Variants in PITPNM3 observed in about 807,000 individuals in gnomAD.
The protein encoded by PITPNM3 is membrane-associated phosphatidylinositol transfer protein 3.
A neutral mutation model predicts 102.0 loss-of-function variants in PITPNM3; 26 were observed. The observed-to-expected ratio is 0.25, with a 90% CI of 0.19 to 0.35. The LOEUF is 0.35. Among genes scored for constraint, PITPNM3 ranks in the 10% least tolerant of loss-of-function variants. The pLI, the probability that PITPNM3 is intolerant of heterozygous loss-of-function variation, is 1.00. For synonymous variants in PITPNM3, 578 were observed against 558.6 expected, an observed-to-expected ratio of 1.03 and a Z score of -0.49; for missense variants, 1,083 against 1,346.1, an observed-to-expected ratio of 0.80 and a Z score of 3.06.
intron 17 of PITPNM3, 40 bp downstream of exon 17, chr17:6,463,692 C>T (rs1403119346): frequency 1.2e-6 from 2 of 1,604,556 alleles, no homozygotes; most frequent in Non-Finnish European, 1.7e-6. Context: ...TGGCTCCTGC[C>T]CCCCAGGGAG....
rs1306075169 is a variant in PITPNM3 at position 6,477,962 on chromosome 17, C to T, written c.900+13G>A. 1.9e-6 allele frequency: 3 copies of T among 1,611,082 alleles called. No individual in the cohort carries two copies. The East Asian group carries it at 6.7e-5, about 36-fold the overall frequency. ...GGGCATACCCCTCCCGCGGTCCTGT[C>T]CCCCGGCTGTACCTGGGTGCTGCTG... On this transcript the variant is annotated intron_variant, in intron 8 of 19. Coordinates refer to ENST00000262483, the MANE Select transcript of PITPNM3 (RefSeq NM_031220.4).
intron 1 of PITPNM3, among the ~76,000 whole-genome samples, chr17:6,540,923 T>A (rs1909699534): frequency 6.6e-6 from 1 of 152,162 alleles, no homozygotes; most frequent in Non-Finnish European, 1.5e-5. Flanking sequence ...CTTCCCAAAG[T>A]GCTGGGATTA....
chr17:6,474,207 G>C (rs572936699), intron 10 of PITPNM3, among the ~76,000 whole-genome samples: 1 of 152,130 alleles, frequency 6.6e-6, no homozygotes, highest in South Asian at 2.1e-4. Context: ...ACTTGACATG[G>C]AGAGTGAAAT....
chr17:6,520,171 C>T lies in PITPNM3; in HGVS notation c.226+5185G>A, dbSNP rs1908427107. Among the ~76,000 whole-genome samples, 2 of 152,102 alleles carry T rather than the reference C, an allele frequency of 1.3e-5. 1 individual carries two copies. Among genetic ancestry groups the T allele is most frequent in the East Asian group, 3.8e-4 (2 of 5,198 alleles). On this transcript the variant is annotated intron_variant, in intron 3 of 19. Coordinates refer to ENST00000262483, the MANE Select transcript of PITPNM3 (RefSeq NM_031220.4). ...AGCAAAACAAGAAAACGTTTTTACC[C>T]GACCATTACATAAAATGTTGAAGTT... is the stretch of plus-strand genomic sequence containing the variant.
intron 4 of PITPNM3, among the ~76,000 whole-genome samples, chr17:6,495,605 C>T (rs951945810): frequency 2.0e-5 from 3 of 152,188 alleles, no homozygotes; most frequent in African/African-American, 7.2e-5. Flanking sequence ...GACCACCAGG[C>T]TGGGTTCTGG....
intron 3 of PITPNM3, among the ~76,000 whole-genome samples, chr17:6,510,689 CAG>C (rs1299956198): frequency 6.6e-6 from 1 of 152,218 alleles, no homozygotes; most frequent in Non-Finnish European, 1.5e-5. Context: ...ACTTTGGGCT[CAG>C]ACAGGGAGGA....
At chr17:6,490,361 T>C (rs372222353) in intron 4 of PITPNM3, among the ~76,000 whole-genome samples, 1 of 152,144 alleles carries the variant, frequency 6.6e-6, no homozygotes, top group Non-Finnish European at 1.5e-5. Context: ...GGGGTTTGCC[T>C]ACATTCCCCG....
chr17:6,507,631 C>T (rs963358003), intron 3 of PITPNM3, among the ~76,000 whole-genome samples: 10 of 151,938 alleles, frequency 6.6e-5, no homozygotes, highest in African/African-American at 1.9e-4. Flanking sequence ...TAACACCATT[C>T]GGACTTCAGA....
chr17:6,491,837 A>ATATATATATATAT (rs61304274), intron 4 of PITPNM3, among the ~76,000 whole-genome samples: 4 of 18,802 alleles, frequency 2.1e-4, no homozygotes, highest in Admixed American at 1.0e-3. Flanking sequence ...ATATATATAT[A>ATATATATATATAT]ATAAAGAATT....
chr17:6,516,901 C>T (rs184395135), intron 3 of PITPNM3, among the ~76,000 whole-genome samples: 2 of 152,034 alleles, frequency 1.3e-5, no homozygotes, highest in Admixed American at 6.6e-5. Context: ...AATTTAAAAA[C>T]GTAAATCTTC....
chr17:6,507,893 T>C (rs1907628894), intron 3 of PITPNM3, among the ~76,000 whole-genome samples: 1 of 152,018 alleles, frequency 6.6e-6, no homozygotes, highest in Non-Finnish European at 1.5e-5. Context: ...GGTGTAAATA[T>C]GACTTAGCCT....
chr17:6,506,372 T>C (rs74784249), intron 3 of PITPNM3, among the ~76,000 whole-genome samples: 10,363 of 120,838 alleles, frequency 0.086, 870 homozygotes, highest in African/African-American at 0.24. Context: ...TTTCTTTTCC[T>C]TTCTCTCTTT....
intron 1 of PITPNM3, among the ~76,000 whole-genome samples, chr17:6,539,996 T>C (rs1446978864): frequency 6.6e-6 from 1 of 152,222 alleles, no homozygotes; most frequent in Non-Finnish European, 1.5e-5. Flanking sequence ...GAGAGGCTCC[T>C]CTATGCGGTG....
chr17:6,473,441 G>C (rs892316572), intron 10 of PITPNM3, among the ~76,000 whole-genome samples: 5 of 152,156 alleles, frequency 3.3e-5, no homozygotes, highest in African/African-American at 1.2e-4. Context: ...GACACTGAGG[G>C]CAGCCATGGG....
intron 3 of PITPNM3, among the ~76,000 whole-genome samples, chr17:6,516,032 G>A (rs1908152969): frequency 6.6e-6 from 1 of 152,072 alleles, no homozygotes; most frequent in African/African-American, 2.4e-5. Flanking sequence ...AATTAGGCAG[G>A]TGTGGTAGTG....
chr17:6,481,295 G>A (rs1052225376), intron 6 of PITPNM3: 3 of 150,190 alleles, frequency 2.0e-5, no homozygotes, highest in African/African-American at 4.9e-5. Flanking sequence ...TAGTATCCCT[G>A]AGGCTAGTAT....
intron 1 of PITPNM3, among the ~76,000 whole-genome samples, chr17:6,554,135 A>G (rs1910466907): frequency 6.6e-6 from 1 of 151,956 alleles, no homozygotes; most frequent in African/African-American, 2.4e-5. Context: ...CCTGGCCAAC[A>G]TGATGAAACC....
At position 6,457,352 on chromosome 17, in the gene PITPNM3, CA is replaced by C. The variant is rs1169554625; in HGVS notation, c.2619+241del. 2.0e-5 allele frequency among the ~76,000 whole-genome samples: 3 copies of C among 152,248 alleles called. No homozygotes were observed. Among genetic ancestry groups the C allele is most frequent in the Non-Finnish European group, 4.4e-5 (3 of 68,046 alleles). ...TGTTACACTCCACTGTCACCAACTGCAAATGTGTCCATCTCGCCACTACACT... is the reference window on the plus strand; with the variant it reads ...TGTTACACTCCACTGTCACCAACTGCAATGTGTCCATCTCGCCACTACACT... On this transcript the variant is annotated intron_variant, in intron 19 of 19. Transcript: ENST00000262483. The surrounding 1 kb of genome is among the most constrained non-coding windows in gnomAD (Gnocchi z 4.7).
At position 6,474,565 on chromosome 17, in the gene PITPNM3, C is replaced by T. The variant is rs201589217; in HGVS notation, c.1125G>A (p.Pro375=). 1.6e-4 allele frequency: 261 copies of T among 1,590,738 alleles called. No individual in the cohort carries two copies. The highest frequency in any genetic ancestry group is 4.2e-4 in the South Asian group (37 of 87,932). ...CAGGGAGCTGCGGCCCCCCAGCCGCCGGGGTCTCAGACTCATCCTTTAGCA... is the reference window on the plus strand; with the variant it reads ...CAGGGAGCTGCGGCCCCCCAGCCGCTGGGGTCTCAGACTCATCCTTTAGCA... The part of the protein sequence containing the change: ...SSVLKDESET[P]AAGGPQLPEV... Residue 375 remains proline (P), a synonymous_variant, in exon 10 of 20, where the codon CCG becomes CCA. Transcript: ENST00000262483.
Sources: gnomAD v4.1 joint callset for allele counts (sites outside exome capture counted in the v4.1 genomes callset) on GRCh38, gnomAD v4.1.1 for gene constraint, Gnocchi (gnomAD v3.1) non-coding constraint, MANE v1.5 for transcripts, NCBI Gene and HGNC (gene_info 2026-07-23, HGNC 2026-07-21) for gene names.